Variants in RBMS1 observed in about 807,000 individuals in gnomAD.
The protein encoded by RBMS1 is RNA-binding motif, single-stranded-interacting protein 1.
Under a neutral mutation model 62.3 loss-of-function variants are expected in RBMS1, and 17 were observed. The ratio of observed to expected loss-of-function variants is 0.27; its 90% CI spans 0.19 to 0.41. The LOEUF is 0.41. Among genes scored for constraint, RBMS1 ranks in the 10% least tolerant of loss-of-function variants. The probability of loss-of-function intolerance (pLI) is 1.00; values close to 1 mark genes in which losing one functional copy is unlikely to be tolerated. For synonymous variants in RBMS1, 172 were observed against 170.0 expected, an observed-to-expected ratio of 1.01 and a Z score of -0.09; for missense variants, 334 against 504.5, an observed-to-expected ratio of 0.66 and a Z score of 3.24.
At chr2:160,479,368 T>C (rs1014930108) in intron 1 of RBMS1, among the ~76,000 whole-genome samples, 2 of 152,242 alleles carry the variant, frequency 1.3e-5, no homozygotes, top group Admixed American at 6.5e-5. Context: ...TGGATGCTGC[T>C]GTTCTGCCAA....
At chr2:160,283,135 G>T (rs1050894545) in intron 9 of RBMS1, 5 of 152,198 alleles carry the variant, frequency 3.3e-5, no homozygotes, top group African/African-American at 1.2e-4. Context: ...AGAGGTGTTG[G>T]AGAAATGTGT....
chr2:160,299,898 A>G, intron 6 of RBMS1, among the ~76,000 whole-genome samples: 1 of 152,138 alleles, frequency 6.6e-6, no homozygotes, highest in Non-Finnish European at 1.5e-5. Flanking sequence ...GAAGACATTT[A>G]ATTTGTGGTA....
rs530631074 is a variant in RBMS1 at position 160,461,249 on chromosome 2, G to A, written c.75+32040C>T. 2.4e-4 allele frequency among the ~76,000 whole-genome samples: 36 copies of A among 151,756 alleles called. 2 individuals are homozygous for A. Among genetic ancestry groups the A allele is most frequent in the Admixed American group, 2.1e-3 (32 of 15,222 alleles). On this transcript the variant is annotated intron_variant, in intron 1 of 13. Coordinates refer to ENST00000348849, the MANE Select transcript of RBMS1 (RefSeq NM_016836.4). ...GGGCAACAGAGCAAGACTCCATCTC[G>A]AAAGAAAGAGAGAGAGAGAGAGAGG...
intron 1 of RBMS1, among the ~76,000 whole-genome samples, chr2:160,392,045 A>G (rs1221340463): frequency 6.6e-6 from 1 of 152,208 alleles, no homozygotes; most frequent in African/African-American, 2.4e-5. Context: ...TCCCCAAATA[A>G]AACCAAGCAA....
At chr2:160,358,162 T>G (rs1244291481) in intron 2 of RBMS1, among the ~76,000 whole-genome samples, 1 of 152,150 alleles carries the variant, frequency 6.6e-6, no homozygotes, top group Non-Finnish European at 1.5e-5. Context: ...TCTGCTTTGG[T>G]GTCCATTTAT....
chr2:160,284,748 C>T, intron 9 of RBMS1, 27 bp downstream of exon 9: 1 of 1,485,542 alleles, frequency 6.7e-7, no homozygotes, highest in East Asian at 2.3e-5. Context: ...AGTGGTTATA[C>T]TGCTGACGAA....
intron 1 of RBMS1, among the ~76,000 whole-genome samples, chr2:160,385,004 C>T (rs1283197732): frequency 6.6e-6 from 1 of 151,984 alleles, no homozygotes; most frequent in Non-Finnish European, 1.5e-5. Context: ...TCTCTTGCTC[C>T]CTCTCTTGCC....
intron 1 of RBMS1, among the ~76,000 whole-genome samples, chr2:160,481,079 A>T (rs1388365504): frequency 4.0e-5 from 1 of 25,272 alleles, no homozygotes; most frequent in Non-Finnish European, 9.5e-5. Context: ...AGACTGCCTT[A>T]AAAAAAAAAA....
intron 2 of RBMS1, among the ~76,000 whole-genome samples, chr2:160,334,956 A>C (rs891110379): frequency 1.3e-5 from 2 of 152,140 alleles, no homozygotes; most frequent in Admixed American, 1.3e-4. Flanking sequence ...AAAAAGGGAT[A>C]TTTATCTCAG....
intron 1 of RBMS1, among the ~76,000 whole-genome samples, chr2:160,385,827 A>G (rs1694540898): frequency 6.6e-6 from 1 of 152,186 alleles, no homozygotes; most frequent in Non-Finnish European, 1.5e-5. Flanking sequence ...TCCTCTATCT[A>G]TGTACCACAT....
At chr2:160,300,565 T>C (rs1460891459) in intron 6 of RBMS1, 86 bp downstream of exon 6, 11 of 1,413,322 alleles carry the variant, frequency 7.8e-6, no homozygotes, top group Admixed American at 2.7e-5. Context: ...TGAGGGGTTT[T>C]TGTTCTATTG....
intron 2 of RBMS1, among the ~76,000 whole-genome samples, chr2:160,330,144 T>C (rs1270699454): frequency 1.3e-5 from 2 of 152,164 alleles, no homozygotes; most frequent in East Asian, 3.9e-4. Context: ...GAATGTTACA[T>C]AATGTATTCT....
intron 1 of RBMS1, among the ~76,000 whole-genome samples, chr2:160,390,889 A>G (rs200968486): frequency 3.9e-5 from 3 of 77,086 alleles, no homozygotes; most frequent in African/African-American, 1.1e-4. Context: ...AAAAACAACC[A>G]CCAAAAAAAA....
At chr2:160,369,215 C>A (rs1693591628) in intron 1 of RBMS1, among the ~76,000 whole-genome samples, 1 of 152,156 alleles carries the variant, frequency 6.6e-6, no homozygotes, top group African/African-American at 2.4e-5. Context: ...TTGATTCATG[C>A]CCTTAATGAG....
chr2:160,278,191 C>T (rs138246016), intron 11 of RBMS1: 25 of 248,944 alleles, frequency 1.0e-4, no homozygotes, highest in African/African-American at 3.2e-4. Context: ...AAGAAATAAG[C>T]GAGAAATAAT....
rs1480842209 is a variant in RBMS1 at position 160,450,549 on chromosome 2, TA to T, written c.75+42739del. Reference sequence around the variant, plus strand: ...AAGTGAAATTCCATCTCAAAAAAAATAAAAAATAAAAAATGAAAAAAAAAAA... The same window carrying T: ...AAGTGAAATTCCATCTCAAAAAAAATAAAAATAAAAAATGAAAAAAAAAAA... On this transcript the variant is annotated intron_variant, in intron 1 of 13. Coordinates refer to ENST00000348849, the MANE Select transcript of RBMS1 (RefSeq NM_016836.4). Among the ~76,000 whole-genome samples, 8 of 88,914 alleles carry T rather than the reference TA, an allele frequency of 9.0e-5. 1 individual carries two copies. Among genetic ancestry groups the T allele is most frequent in the South Asian group, 4.3e-4 (1 of 2,308 alleles). 58.3% of individuals were successfully genotyped at this position (88,914 alleles called of 152,430 possible).
At chr2:160,377,193 A>G (rs912865605) in intron 1 of RBMS1, among the ~76,000 whole-genome samples, 7 of 152,200 alleles carry the variant, frequency 4.6e-5, no homozygotes, top group Non-Finnish European at 7.4e-5. Context: ...ATAAAACTGA[A>G]ACGTAAGTTT....
chr2:160,478,037 G>A (rs954105058), intron 1 of RBMS1, among the ~76,000 whole-genome samples: 4 of 152,160 alleles, frequency 2.6e-5, no homozygotes, highest in Non-Finnish European at 4.4e-5. Flanking sequence ...TAGTCCTAGC[G>A]GGCCAATTGC....
At chr2:160,354,319 C>A (rs1055681989) in intron 2 of RBMS1, among the ~76,000 whole-genome samples, 1 of 152,138 alleles carries the variant, frequency 6.6e-6, no homozygotes, top group Admixed American at 6.5e-5. Flanking sequence ...TGCTGTCAAA[C>A]TTAAACTAAG....
Sources: gnomAD v4.1 joint callset for allele counts (sites outside exome capture counted in the v4.1 genomes callset) on GRCh38, gnomAD v4.1.1 for gene constraint, MANE v1.5 for transcripts, NCBI Gene and HGNC (gene_info 2026-07-23, HGNC 2026-07-21) for gene names.